The following NRG3 variants were observed in gnomAD, a reference collection of about 807,000 sequenced individuals.
NRG3 encodes pro-neuregulin-3, membrane-bound isoform.
A neutral mutation model predicts 66.9 loss-of-function variants in NRG3; 31 were observed. The observed-to-expected ratio is 0.46, with a 90% CI of 0.35 to 0.63. NRG3 has a LOEUF of 0.63. NRG3 is among the 20% of genes least tolerant of loss of function. The pLI is 0.00. For synonymous variants in NRG3, 393 were observed against 359.4 expected (o/e 1.09, Z -1.06); for missense variants, 910 against 878.9 (o/e 1.04, Z -0.45).
chr10:82,166,157 G>A (rs2133029524), intron 1 of NRG3, among the ~76,000 whole-genome samples: 1 of 152,128 alleles, frequency 6.6e-6, no homozygotes, highest in Admixed American at 6.5e-5. Flanking sequence ...CCAGTAGCTG[G>A]GATTACAGGC....
rs1033944427 is a variant in NRG3 at position 82,677,564 on chromosome 10, T to C, written c.954-61013T>C. Among the ~76,000 whole-genome samples the C allele has an allele frequency of 4.6e-5, 7 of 152,154 alleles. 1 individual carries two copies. The South Asian group carries it at 1.5e-3, about 32-fold the overall frequency. On this transcript the variant is annotated intron_variant, in intron 2 of 8. Coordinates refer to ENST00000372141, the MANE Select transcript of NRG3 (RefSeq NM_001010848.4). ...TTATGGCCATTTTCTCCCTCTTTCT[T>C]TTTTACTGTCTGAAACTCTTTTCAT...
At chr10:82,829,591 C>G (rs768488850) in intron 3 of NRG3, among the ~76,000 whole-genome samples, 2 of 152,028 alleles carry the variant, frequency 1.3e-5, no homozygotes, top group East Asian at 1.9e-4. Context: ...ACTAGGGAAC[C>G]AATAGAGGCT....
chr10:82,828,605 G>A (rs1013112425), intron 3 of NRG3, among the ~76,000 whole-genome samples: 1 of 152,152 alleles, frequency 6.6e-6, no homozygotes, highest in African/African-American at 2.4e-5. Context: ...TACAAGAATG[G>A]AAATATTCTG....
chr10:82,984,074 A>G (rs1268556256), intron 8 of NRG3, among the ~76,000 whole-genome samples: 1 of 152,254 alleles, frequency 6.6e-6, no homozygotes, highest in East Asian at 1.9e-4. Flanking sequence ...ATTGTATGGA[A>G]GGTTGATATG....
chr10:82,322,363 G>A (rs373066981), intron 1 of NRG3, among the ~76,000 whole-genome samples: 6 of 152,126 alleles, frequency 3.9e-5, no homozygotes, highest in African/African-American at 1.4e-4. Context: ...CCAGGATGGT[G>A]AAGAATATGT....
At chr10:82,660,800 T>C (rs553768507) in intron 2 of NRG3, among the ~76,000 whole-genome samples, 1 of 152,294 alleles carries the variant, frequency 6.6e-6, no homozygotes, top group East Asian at 1.9e-4. Context: ...TCACTTCTTA[T>C]CAGTTTAATT....
chr10:82,125,935 C>A (rs1564586458), intron 1 of NRG3, among the ~76,000 whole-genome samples: 1 of 151,992 alleles, frequency 6.6e-6, no homozygotes, highest in Non-Finnish European at 1.5e-5. Context: ...TATTAGATAG[C>A]AAGATTATTT....
At chr10:82,242,302 C>G (rs377460259) in intron 1 of NRG3, among the ~76,000 whole-genome samples, 1 of 152,024 alleles carries the variant, frequency 6.6e-6, no homozygotes, top group Non-Finnish European at 1.5e-5. Flanking sequence ...ATATCCTTTG[C>G]AAAAGATGGT....
At chr10:82,477,216 C>T (rs1182761294) in intron 2 of NRG3, among the ~76,000 whole-genome samples, 1 of 152,148 alleles carries the variant, frequency 6.6e-6, no homozygotes, top group African/African-American at 2.4e-5. Context: ...AGAACCTCAA[C>T]TGTGACCTGA....
At chr10:82,165,526 T>C (rs1344309632) in intron 1 of NRG3, among the ~76,000 whole-genome samples, 1 of 152,100 alleles carries the variant, frequency 6.6e-6, no homozygotes, top group Non-Finnish European at 1.5e-5. Context: ...ATTTGTTCTT[T>C]TGTAAACATT....
intron 1 of NRG3, among the ~76,000 whole-genome samples, chr10:82,321,856 G>T (rs999994675): frequency 1.3e-5 from 2 of 152,112 alleles, no homozygotes; most frequent in African/African-American, 4.8e-5. Flanking sequence ...CTTTTCTTAA[G>T]ACTGACAGTT....
rs1478656368 is a variant in NRG3, at chr10:82,919,095, G to GTGTGTT, written c.1055-32369_1055-32368insTTGTGT. 1.5e-4 allele frequency among the ~76,000 whole-genome samples: 19 copies of GTGTGTT among 127,984 alleles called. No homozygotes were observed. The Admixed American group carries it at 1.6e-3, about 11-fold the overall frequency. The allele number at this position is 127,984 out of a possible 152,430, so 84.0% of individuals were successfully genotyped here. A position where few individuals can be genotyped will look rare whatever the true frequency, so the allele number is the denominator to read the frequency against. ...TGTGTGTGTGTGTGTGTGTGTGTGT[G>GTGTGTT]TGTGTATGTGTGTGTGTTCCTATTA... is the stretch of plus-strand genomic sequence containing the variant. On this transcript the variant is annotated intron_variant, in intron 4 of 8. Transcript: ENST00000372141.
intron 2 of NRG3, among the ~76,000 whole-genome samples, chr10:82,416,398 G>A (rs879773466): frequency 2.0e-5 from 3 of 152,090 alleles, no homozygotes; most frequent in Non-Finnish European, 2.9e-5. Context: ...AGAAATTACA[G>A]TCCATTTGTA....
intron 2 of NRG3, among the ~76,000 whole-genome samples, chr10:82,534,097 T>A (rs1034741472): frequency 6.6e-6 from 1 of 152,066 alleles, no homozygotes; most frequent in Non-Finnish European, 1.5e-5. Context: ...TTTAAAACTA[T>A]AAAAATCATG....
At chr10:82,072,222 C>G (rs919900880) in intron 1 of NRG3, among the ~76,000 whole-genome samples, 8 of 152,118 alleles carry the variant, frequency 5.3e-5, no homozygotes, top group Non-Finnish European at 1.0e-4. Flanking sequence ...AATATAGAGC[C>G]AACAGGACTT....
chr10:82,765,072 A>C (rs2135113156), intron 3 of NRG3, among the ~76,000 whole-genome samples: 1 of 152,322 alleles, frequency 6.6e-6, no homozygotes, highest in East Asian at 1.9e-4. Flanking sequence ...AGTTTTCATT[A>C]AAAATATATT....
At chr10:82,745,996 A>C (rs1267356678) in intron 3 of NRG3, among the ~76,000 whole-genome samples, 1 of 152,044 alleles carries the variant, frequency 6.6e-6, no homozygotes, top group South Asian at 2.1e-4. Context: ...GGCTCAAGTG[A>C]GCTTGCCTCA....
intron 1 of NRG3, among the ~76,000 whole-genome samples, chr10:82,239,828 A>G (rs2076929109): frequency 6.6e-6 from 1 of 152,150 alleles, no homozygotes; most frequent in South Asian, 2.1e-4. Flanking sequence ...TTTTGATAAT[A>G]TAGTGTGAGC....
intron 2 of NRG3, among the ~76,000 whole-genome samples, chr10:82,683,627 A>G (rs2054283165): frequency 6.6e-6 from 1 of 152,240 alleles, no homozygotes; most frequent in South Asian, 2.1e-4. Context: ...CCAAGAATTG[A>G]AAAACTATAA....
Sources: gnomAD v4.1 joint callset for allele counts (sites outside exome capture counted in the v4.1 genomes callset) on GRCh38, gnomAD v4.1.1 for gene constraint, MANE v1.5 for transcripts, NCBI Gene and HGNC (gene_info 2026-07-23, HGNC 2026-07-21) for gene names.